NCAPG2: variants seen among roughly 807,000 people sequenced by gnomAD.
The protein encoded by NCAPG2 is condensin-2 complex subunit G2.
NCAPG2 carries 53 observed loss-of-function variants against 141.1 expected under a neutral mutation model. The observed-to-expected ratio is 0.38, with a 90% CI of 0.30 to 0.47. The LOEUF is 0.47. NCAPG2 is among the 20% of genes least tolerant of loss of function. The pLI is 0.99. For missense variants in NCAPG2, 1,087 were observed against 1,389.0 expected (o/e 0.78, Z 3.46); for synonymous variants, 499 against 490.7 (o/e 1.02, Z -0.22).
chr7:158,704,483 A>G lies in NCAPG2; in HGVS notation c.-40+241T>C, dbSNP rs368924958. ...GGCAGTGCCCGCGCCCGGGGCTGGG[A>G]TTTTCCTCCGACACGGACAAGAAGG... On this transcript the variant is annotated intron_variant, in intron 1 of 27. Coordinates refer to ENST00000356309, the MANE Select transcript of NCAPG2 (RefSeq NM_017760.7). Among the ~76,000 whole-genome samples the G allele has an allele frequency of 4.3e-4, 65 of 152,184 alleles. 4 individuals are homozygous for G. The highest frequency in any genetic ancestry group is 1.3e-3 in the African/African-American group (56 of 41,520).
chr7:158,667,201 C>G, intron 13 of NCAPG2: 2 of 985,458 alleles, frequency 2.0e-6, no homozygotes, highest in Non-Finnish European at 1.2e-6. Context: ...GACTGAAACG[C>G]AAACGTTCTG....
chr7:158,680,174 T>A, intron 10 of NCAPG2, 89 bp from the exon 11 acceptor site: 1 of 1,347,586 alleles, frequency 7.4e-7, no homozygotes, highest in Non-Finnish European at 1.0e-6. Flanking sequence ...ACACTTTAAT[T>A]ATCTTGATAC....
Position 158,655,334 on chromosome 7 carries a change from C to T in NCAPG2, c.2505+5G>A. Reference sequence around the variant, plus strand: ...ATCCTAATAGAGGGCCAGGAGCAGGCACACCTTGTGCTGAAGATGGATGCT... The same window carrying T: ...ATCCTAATAGAGGGCCAGGAGCAGGTACACCTTGTGCTGAAGATGGATGCT... On this transcript the variant is annotated splice_donor_5th_base_variant and intron_variant, in intron 20 of 27. Coordinates refer to ENST00000356309, the MANE Select transcript of NCAPG2 (RefSeq NM_017760.7). 1 of 1,614,178 alleles carries T rather than the reference C, an allele frequency of 6.2e-7. No homozygotes were observed. The highest frequency in any genetic ancestry group is 1.1e-5 in the South Asian group (1 of 91,090).
At chr7:158,647,596 A>G (rs1041478300) in intron 24 of NCAPG2, among the ~76,000 whole-genome samples, 1 of 152,138 alleles carries the variant, frequency 6.6e-6, no homozygotes, top group African/African-American at 2.4e-5. Context: ...TAGCTGAGAC[A>G]TGAATATGCC....
intron 2 of NCAPG2, among the ~76,000 whole-genome samples, chr7:158,697,109 G>A (rs1032532034): frequency 6.6e-6 from 1 of 152,142 alleles, no homozygotes; most frequent in Non-Finnish European, 1.5e-5. Context: ...GCCTTAGGCA[G>A]GTGCTTCAAG....
intron 19 of NCAPG2, among the ~76,000 whole-genome samples, chr7:158,655,746 G>A (rs1376278209): frequency 7.7e-5 from 1 of 12,954 alleles, no homozygotes; most frequent in African/African-American, 2.8e-4. Flanking sequence ...CCATCTGCCT[G>A]GCTCCACTCT....
At chr7:158,665,446 G>C (rs1043444986) in intron 13 of NCAPG2, 4 of 152,248 alleles carry the variant, frequency 2.6e-5, no homozygotes, top group Admixed American at 6.5e-5. Context: ...ACATGACAAA[G>C]CAAAATTGAA....
intron 4 of NCAPG2, 100 bp downstream of exon 4, chr7:158,692,741 CA>C: frequency 1.2e-4 from 108 of 890,548 alleles, no homozygotes; most frequent in Non-Finnish European, 1.3e-4. Context: ...AACTCCGTCT[CA>C]AAAAAAATAA....
chr7:158,654,502 T>G, intron 22 of NCAPG2, 93 bp downstream of exon 22: 1 of 1,271,700 alleles, frequency 7.9e-7, no homozygotes, highest in South Asian at 1.6e-5. Context: ...ATCAGTCACT[T>G]AAAAGTGAGA....
chr7:158,679,017 GT>G (rs1834280268), intron 11 of NCAPG2, among the ~76,000 whole-genome samples: 1 of 152,014 alleles, frequency 6.6e-6, no homozygotes, highest in East Asian at 1.9e-4. Flanking sequence ...GTTTGTTGTT[GT>G]TGTTGTTTTT....
chr7:158,697,867 C>T (rs1233198821), intron 2 of NCAPG2, among the ~76,000 whole-genome samples: 1 of 152,162 alleles, frequency 6.6e-6, no homozygotes, highest in East Asian at 1.9e-4. Flanking sequence ...AGCATGTTCT[C>T]ACTTATAAGT....
intron 26 of NCAPG2, among the ~76,000 whole-genome samples, chr7:158,645,099 G>C (rs1018871338): frequency 3.3e-5 from 5 of 152,156 alleles, no homozygotes; most frequent in Non-Finnish European, 7.3e-5. Context: ...GAATAGGCAA[G>C]GCTAAGGCTT....
chr7:158,668,620 G>T, intron 13 of NCAPG2: 1 of 169,412 alleles, frequency 5.9e-6, no homozygotes, highest in Non-Finnish European at 1.2e-5. Flanking sequence ...GGTGATGGGT[G>T]TATCTAATTC....
At chr7:158,689,987 C>T (rs747629497) in intron 5 of NCAPG2, 34 bp from the exon 6 acceptor site, 5 of 1,468,406 alleles carry the variant, frequency 3.4e-6, no homozygotes, top group Non-Finnish European at 4.5e-6. Flanking sequence ...ATACCTTTTT[C>T]AATGAACAGT....
chr7:158,692,863 C>A lies in NCAPG2; in HGVS notation c.361G>T (p.Glu121Ter), dbSNP rs764984847. 1.3e-6 allele frequency: 2 copies of A among 1,574,010 alleles called. No individual in the cohort carries two copies. The highest frequency in any genetic ancestry group is 1.7e-6 in the Non-Finnish European group (2 of 1,148,158). Residue 121 changes from glutamate (E) to a stop codon, truncating the protein, a stop_gained, in exon 4 of 28, where the codon GAA becomes TAA. Transcript: ENST00000356309. LOFTEE classifies it high-confidence loss of function. ...NESENYEALL[E>*]CVIILNGILY... ...TCACCATTTAATATAATAACACATT[C>A]CAGTAGGGCTTCGTAGTTCTCACTT...
chr7:158,656,135 T>G, intron 19 of NCAPG2, 125 bp downstream of exon 19: 3 of 1,254,824 alleles, frequency 2.4e-6, no homozygotes, highest in Non-Finnish European at 1.1e-6. Flanking sequence ...TGAGGTGACA[T>G]GATCACTCTC....
At chr7:158,647,359 A>C (rs1188678807) in intron 24 of NCAPG2, among the ~76,000 whole-genome samples, 1 of 152,184 alleles carries the variant, frequency 6.6e-6, no homozygotes, top group Non-Finnish European at 1.5e-5. Context: ...AGTTGTGCCA[A>C]ACAAAAATGT....
At chr7:158,667,272 G>T (rs541208598) in intron 13 of NCAPG2, 4 of 961,558 alleles carry the variant, frequency 4.2e-6, no homozygotes, top group Non-Finnish European at 3.7e-6. Context: ...GTGTCCCTCC[G>T]CCTCCCTCAG....
intron 2 of NCAPG2, among the ~76,000 whole-genome samples, chr7:158,694,345 C>T (rs1462166321): frequency 6.6e-6 from 1 of 152,144 alleles, no homozygotes; most frequent in Non-Finnish European, 1.5e-5. Flanking sequence ...TGTTTTATAG[C>T]CATCACAATA....
Sources: allele counts gnomAD v4.1 joint callset (sites outside exome capture counted in the v4.1 genomes callset), GRCh38; gene constraint gnomAD v4.1.1; transcripts MANE v1.5; gene names NCBI Gene and HGNC (gene_info 2026-07-23, HGNC 2026-07-21).